The following CADM1 variants were observed in gnomAD, a reference collection of about 807,000 sequenced individuals.
CADM1 encodes cell adhesion molecule 1.
A neutral mutation model predicts 53.1 loss-of-function variants in CADM1; 15 were observed. The observed-to-expected ratio is 0.28, with a 90% CI of 0.19 to 0.44. The LOEUF (loss-of-function observed/expected upper bound fraction) is 0.44. Ranked by LOEUF, CADM1 falls within the 20% of genes least tolerant of loss-of-function variation. The pLI is 1.00. For synonymous variants in CADM1, 281 were observed against 243.0 expected (o/e 1.16, Z -1.45); for missense variants, 434 against 611.3 (o/e 0.71, Z 3.06).
intron 1 of CADM1, among the ~76,000 whole-genome samples, chr11:115,426,228 A>G (rs1947888009): frequency 6.6e-6 from 1 of 152,230 alleles, no homozygotes; most frequent in Non-Finnish European, 1.5e-5. Context: ...AAAATGTTAT[A>G]TCGCCTCTTG....
intron 1 of CADM1, among the ~76,000 whole-genome samples, chr11:115,420,043 T>C (rs1248328327): frequency 2.6e-5 from 4 of 152,216 alleles, no homozygotes; most frequent in African/African-American, 7.2e-5. Flanking sequence ...TGTGTATACC[T>C]GGGGTGCTTT....
intron 1 of CADM1, among the ~76,000 whole-genome samples, chr11:115,429,267 A>G (rs562694829): frequency 6.6e-6 from 1 of 152,312 alleles, no homozygotes; most frequent in Admixed American, 6.5e-5. Context: ...AGAATGAACA[A>G]AACAACAAAC....
At chr11:115,360,924 G>A (rs2135093620) in intron 1 of CADM1, among the ~76,000 whole-genome samples, 1 of 152,296 alleles carries the variant, frequency 6.6e-6, no homozygotes, top group African/African-American at 2.4e-5. Context: ...TCTTGATACA[G>A]TTGTAGTCCT....
At chr11:115,467,274 C>T (rs180863923) in intron 1 of CADM1, among the ~76,000 whole-genome samples, 12 of 152,244 alleles carry the variant, frequency 7.9e-5, no homozygotes, top group African/African-American at 2.2e-4. Context: ...ACCTTCTAAA[C>T]GATAGGGAAC....
At chr11:115,309,009 T>G (rs1944464694) in intron 1 of CADM1, among the ~76,000 whole-genome samples, 1 of 152,094 alleles carries the variant, frequency 6.6e-6, no homozygotes, top group South Asian at 2.1e-4. Context: ...CAAGAAACAT[T>G]TAAGCAAGAT....
intron 1 of CADM1, among the ~76,000 whole-genome samples, chr11:115,468,898 G>A (rs901104895): frequency 3.3e-5 from 5 of 152,136 alleles, no homozygotes; most frequent in South Asian, 2.1e-4. Context: ...GCAAAGTTAC[G>A]TCCTACATGC....
At chr11:115,274,679 C>G (rs761923778) in intron 1 of CADM1, among the ~76,000 whole-genome samples, 3 of 152,182 alleles carry the variant, frequency 2.0e-5, no homozygotes, top group Non-Finnish European at 4.4e-5. Flanking sequence ...AACCACAGGA[C>G]GAGATTTTGA....
At chr11:115,375,242 A>C (rs1396029543) in intron 1 of CADM1, among the ~76,000 whole-genome samples, 1 of 152,174 alleles carries the variant, frequency 6.6e-6, no homozygotes, top group Non-Finnish European at 1.5e-5. Context: ...TGTGTGTTTG[A>C]CATTTTCAAC....
intron 1 of CADM1, among the ~76,000 whole-genome samples, chr11:115,257,554 T>C (rs1942833277): frequency 6.6e-6 from 1 of 152,232 alleles, no homozygotes; most frequent in Non-Finnish European, 1.5e-5. Context: ...GGAGTTAGTG[T>C]ATCCAGTTCT....
intron 1 of CADM1, among the ~76,000 whole-genome samples, chr11:115,467,180 G>T (rs553704028): frequency 1.3e-5 from 2 of 152,296 alleles, no homozygotes; most frequent in African/African-American, 4.8e-5. Flanking sequence ...TGCACAAGAC[G>T]TCTGTAGTGG....
intron 1 of CADM1, among the ~76,000 whole-genome samples, chr11:115,448,277 A>G (rs776238039): frequency 2.0e-5 from 3 of 152,180 alleles, no homozygotes; most frequent in Non-Finnish European, 4.4e-5. Flanking sequence ...CCTATATGGT[A>G]TAAGTAGAAT....
At chr11:115,448,915 C>T (rs940441415) in intron 1 of CADM1, among the ~76,000 whole-genome samples, 2 of 152,052 alleles carry the variant, frequency 1.3e-5, no homozygotes, top group Non-Finnish European at 2.9e-5. Context: ...TATTTCAATC[C>T]TCAGGATTAT....
chr11:115,438,779 A>G lies in CADM1; in HGVS notation c.124+65492T>C, dbSNP rs560340485. On this transcript the variant is annotated intron_variant, in intron 1 of 11. Coordinates refer to ENST00000331581, the MANE Select transcript of CADM1 (RefSeq NM_001301043.2). ...TGGATATTGATTATATGTTGTCCCA[A>G]CTGGTAAGTATCCACCTCATTTCAG... Among the ~76,000 whole-genome samples the G allele has an allele frequency of 7.9e-5, 12 of 152,314 alleles. No individual in the cohort carries two copies. The East Asian group carries it at 2.3e-3, about 29-fold the overall frequency.
chr11:115,212,364 G>A (rs933668977), intron 7 of CADM1, among the ~76,000 whole-genome samples: 4 of 152,294 alleles, frequency 2.6e-5, no homozygotes, highest in African/African-American at 9.6e-5. Flanking sequence ...CAAACTGCTA[G>A]AGTATTTTGT....
chr11:115,412,027 T>A (rs1308404353), intron 1 of CADM1, among the ~76,000 whole-genome samples: 1 of 152,072 alleles, frequency 6.6e-6, no homozygotes, highest in African/African-American at 2.4e-5. Flanking sequence ...AGCTTGAAAA[T>A]ATGCTAGTTC....
chr11:115,316,259 G>A (rs1429204074), intron 1 of CADM1, among the ~76,000 whole-genome samples: 1 of 152,170 alleles, frequency 6.6e-6, no homozygotes, highest in Non-Finnish European at 1.5e-5. Flanking sequence ...TCACAATCAA[G>A]TCAGCTAGAA....
intron 1 of CADM1, among the ~76,000 whole-genome samples, chr11:115,400,071 C>T (rs995616032): frequency 1.3e-5 from 2 of 152,064 alleles, no homozygotes; most frequent in African/African-American, 2.4e-5. Context: ...AAGAATTGGT[C>T]GATACTAGGT....
rs139012671 is a variant in CADM1, at chr11:115,308,211, T to TATACATAC, written c.125-67792_125-67791insGTATGTAT. ...ATAGGTGTGTATATATATATATATA[T>TATACATAC]ACACACCTATGAGAAGGTTTTTGTC... is the stretch of plus-strand genomic sequence containing the variant. On this transcript the variant is annotated intron_variant, in intron 1 of 11. Transcript: ENST00000331581. 2.3e-3 allele frequency among the ~76,000 whole-genome samples: 326 copies of TATACATAC among 139,414 alleles called. 8 individuals are homozygous for TATACATAC. The highest frequency in any genetic ancestry group is 8.4e-3 in the African/African-American group (308 of 36,872). 91.5% of individuals were successfully genotyped at this position (139,414 alleles called of 152,430 possible).
At chr11:115,260,746 C>T (rs1445601498) in intron 1 of CADM1, among the ~76,000 whole-genome samples, 1 of 152,050 alleles carries the variant, frequency 6.6e-6, no homozygotes, top group Non-Finnish European at 1.5e-5. Flanking sequence ...GATCTTGGCT[C>T]ACTGCAAGCT....
Sources: allele counts gnomAD v4.1 joint callset (sites outside exome capture counted in the v4.1 genomes callset), GRCh38; gene constraint gnomAD v4.1.1; transcripts MANE v1.5; gene names NCBI Gene and HGNC (gene_info 2026-07-23, HGNC 2026-07-21).